Variants in EP300 observed in about 807,000 individuals in gnomAD.
EP300 encodes the protein EP300 lysine acetyltransferase, also known as histone acetyltransferase p300.
In EP300, 31 loss-of-function variants were observed where a neutral mutation model predicts 264.0. That is an observed-to-expected ratio of 0.12 (90% CI 0.09 to 0.16). The LOEUF is 0.16. Among genes scored for constraint, EP300 ranks in the 10% least tolerant of loss-of-function variants. The pLI, the probability that EP300 is intolerant of heterozygous loss-of-function variation, is 1.00. For synonymous variants in EP300, 1,340 were observed against 1,045.4 expected (o/e 1.28, Z -5.44); for missense variants, 2,766 against 3,052.9 (o/e 0.91, Z 2.21).
intron 22 of EP300, among the ~76,000 whole-genome samples, chr22:41,166,020 A>G (rs776438209): frequency 1.9e-4 from 28 of 150,370 alleles, no homozygotes; most frequent in Middle Eastern, 3.4e-3. Context: ...CCTGACCTCA[A>G]AAGATCCACC....
At chr22:41,173,558 C>A in intron 28 of EP300, 65 bp from the exon 29 acceptor site, 18 of 1,527,924 alleles carry the variant, frequency 1.2e-5, no homozygotes, top group Non-Finnish European at 1.6e-5. Flanking sequence ...GGGAGATATT[C>A]TGTGCTATTC....
intron 1 of EP300, among the ~76,000 whole-genome samples, chr22:41,108,250 T>C (rs113855705): frequency 6.7e-4 from 90 of 133,574 alleles, no homozygotes; most frequent in African/African-American, 1.0e-3. Flanking sequence ...TTTTCTTTTT[T>C]TTTTTTTTTT....
chr22:41,177,600 C>T lies in EP300; in HGVS notation c.5889C>T (p.Ala1963=), dbSNP rs886057566. Residue 1963 remains alanine (A), a synonymous_variant, in exon 31 of 31, where the codon GCC becomes GCT. Coordinates refer to ENST00000263253, the MANE Select transcript of EP300 (RefSeq NM_001429.4). ...AGATGCCCCCGATGACTCCCATGGC[C>T]CCCATGGGTATGAACCCACCTCCCA... is the stretch of plus-strand genomic sequence containing the variant. The part of the protein sequence containing the change: ...QHQMPPMTPM[A]PMGMNPPPMT... The T allele has an allele frequency of 1.7e-5, 28 of 1,614,006 alleles. No homozygotes were observed. The highest frequency in any genetic ancestry group is 2.3e-5 in the Non-Finnish European group (27 of 1,180,022).
chr22:41,165,506 C>G (rs1416608200), intron 22 of EP300, among the ~76,000 whole-genome samples: 2 of 152,096 alleles, frequency 1.3e-5, no homozygotes, highest in Non-Finnish European at 2.9e-5. Context: ...TCACTGCAAC[C>G]TCTGCCTCCC....
chr22:41,107,843 GGCATGTGCCACCACACCCA>G (rs1205470785), intron 1 of EP300, among the ~76,000 whole-genome samples: 1 of 152,066 alleles, frequency 6.6e-6, no homozygotes, highest in Non-Finnish European at 1.5e-5. Context: ...TGGGATTACA[GGCATGTGCCACCACACCCA>G]GCTAATTTTG....
chr22:41,152,017 G>A lies in EP300; in HGVS notation c.2997+5G>A, dbSNP rs1459253172. The A allele has an allele frequency of 6.2e-6, 10 of 1,614,040 alleles. No homozygotes were observed. Among genetic ancestry groups the A allele is most frequent in the Non-Finnish European group, 7.6e-6 (9 of 1,180,036 alleles). On this transcript the variant is annotated splice_donor_5th_base_variant and intron_variant, in intron 15 of 30. Transcript: ENST00000263253. The stretch of plus-strand genomic sequence containing the variant: ...CAGCCGGAGGATATTTCAGAGGTGA[G>A]AGTAGGGCAATTACTGTTTGATTTG...
Position 41,137,790 on chromosome 22 carries a change from TGTAA to T in EP300, c.1760+6_1760+9del, listed in dbSNP as rs2145722830. ...CTTCGAAATCATCTTGTTCACAAAC[TGTAA>T]GTAAGATTGTGGACACGTCTCATTC... On this transcript the variant is annotated splice_donor_variant and splice_donor_region_variant and intron_variant, in intron 8 of 30. Transcript: ENST00000263253. LOFTEE classifies it high-confidence loss of function. 6.2e-7 allele frequency: 1 copy of T among 1,614,204 alleles called. No homozygotes were observed. The highest frequency in any genetic ancestry group is 8.5e-7 in the Non-Finnish European group (1 of 1,180,040).
Position 41,177,931 on chromosome 22 carries a change from C to T in EP300, c.6220C>T (p.Leu2074Phe), listed in dbSNP as rs772898987. 3.1e-6 allele frequency: 5 copies of T among 1,614,174 alleles called. No homozygotes were observed. Among genetic ancestry groups the T allele is most frequent in the Non-Finnish European group, 4.2e-6 (5 of 1,180,016 alleles). Residue 2074 changes from leucine (L) to phenylalanine (F), a missense_variant, in exon 31 of 31, where the codon CTT (leucine) becomes TTT (phenylalanine). Leu to Phe is a conservative substitution (Grantham distance 22). Transcript: ENST00000263253. ...PLQQQQVLSI[L>F]HANPQLLAAF... is the part of the protein sequence containing the mutation. The stretch of plus-strand genomic sequence containing the variant: ...GCAGCAGCAACAGGTGCTTAGTATC[C>T]TTCACGCCAACCCCCAGCTGTTGGC...
In EP300 at chr22:41,127,695, T is replaced by C; in HGVS notation, c.1115T>C (p.Met372Thr). The stretch of plus-strand genomic sequence containing the variant: ...TGCAACCTTCCCCACTGTCGCACAA[T>C]GAAGAATGTCCTAAACCACATGACA... ...RQCNLPHCRT[M>T]KNVLNHMTHC... The change falls in exon 4 of 31, where the codon ATG becomes ACG. Residue 372 changes from methionine (M) to threonine (T), a missense_variant. Transcript: ENST00000263253. 1 of 1,614,210 alleles carries C rather than the reference T, an allele frequency of 6.2e-7. No individual in the cohort carries two copies. Among genetic ancestry groups the C allele is most frequent in the East Asian group, 2.2e-5 (1 of 44,876 alleles).
At chr22:41,139,093 A>G (rs1361779908) in intron 8 of EP300, among the ~76,000 whole-genome samples, 1 of 152,098 alleles carries the variant, frequency 6.6e-6, no homozygotes, top group African/African-American at 2.4e-5. Context: ...AGCTGGGGTT[A>G]CAGGTGTTTG....
intron 23 of EP300, 36 bp from the exon 24 acceptor site, chr22:41,168,413 T>C (rs530802664): frequency 1.2e-6 from 2 of 1,613,194 alleles, no homozygotes; most frequent in Non-Finnish European, 1.7e-6. Flanking sequence ...AACAGTAAAT[T>C]TGCACCTCAG....
chr22:41,165,692 G>T (rs1452980265), intron 22 of EP300, among the ~76,000 whole-genome samples: 1 of 152,040 alleles, frequency 6.6e-6, no homozygotes, highest in Non-Finnish European at 1.5e-5. Context: ...CGAAGTGCTG[G>T]GATTACAGCA....
intron 13 of EP300, among the ~76,000 whole-genome samples, chr22:41,149,497 A>C (rs566169774): frequency 6.6e-6 from 1 of 152,098 alleles, no homozygotes; most frequent in African/African-American, 2.4e-5. Context: ...GCCCTAGAGC[A>C]CTCTGCACTC....
At chr22:41,176,183 G>A (rs2145511665) in intron 29 of EP300, 64 bp from the exon 30 acceptor site, 3 of 1,594,122 alleles carry the variant, frequency 1.9e-6, no homozygotes, top group Admixed American at 3.3e-5. Flanking sequence ...TCACGCCACT[G>A]CATTCCAGCC....
Position 41,160,722 on chromosome 22 carries a change from C to G in EP300, c.3671C>G (p.Thr1224Ser), listed in dbSNP as rs2145752607. The G allele has an allele frequency of 1.2e-6, 2 of 1,613,498 alleles. No individual in the cohort carries two copies. Among genetic ancestry groups the G allele is most frequent in the Non-Finnish European group, 1.7e-6 (2 of 1,179,468 alleles). The change falls in exon 20 of 31, where the codon ACT (threonine) becomes AGT (serine). Residue 1224 changes from threonine (T) to serine (S), a missense_variant and splice_region_variant. Physicochemically the swap from Thr to Ser is moderately conservative, Grantham distance 58. Transcript: ENST00000263253. ...GGGGATGACCCTTCCCAGCCTCAAA[C>G]GTAAGTAACTGCATTATTTTGAAAA... Reference protein sequence around the residue: ...SLGDDPSQPQTTINKEQFSKR... With the variant: ...SLGDDPSQPQSTINKEQFSKR...
rs563249540 is a variant in EP300, at chr22:41,178,650, C to G, written c.6939C>G (p.Val2313=). The part of the protein sequence containing the change: ...LSNQVRSPQP[V]PSPRPQSQPP... ...ATCAAGTGCGCTCTCCCCAGCCTGTCCCTTCTCCACGGCCACAGTCCCAGC... is the reference window on the plus strand; with the variant it reads ...ATCAAGTGCGCTCTCCCCAGCCTGTGCCTTCTCCACGGCCACAGTCCCAGC... The change falls in exon 31 of 31, where the codon GTC becomes GTG. Residue 2313 remains valine, a synonymous_variant. Transcript: ENST00000263253. 2 of 1,614,138 alleles carry G rather than the reference C, an allele frequency of 1.2e-6. No homozygotes were observed. The highest frequency in any genetic ancestry group is 2.7e-5 in the African/African-American group (2 of 75,024).
In EP300 at chr22:41,178,680, C is replaced by T. The variant is rs111489369; in HGVS notation, c.6969C>T (p.Pro2323=). Residue 2323 remains proline (P), a synonymous_variant, in exon 31 of 31, where the codon CCC becomes CCT. Transcript: ENST00000263253. ...CTCCACGGCCACAGTCCCAGCCCCC[C>T]CACTCCAGTCCTTCCCCAAGGATGC... is the stretch of plus-strand genomic sequence containing the variant. ...VPSPRPQSQP[P]HSSPSPRMQP... is the part of the protein sequence containing the mutation. The T allele has an allele frequency of 6.2e-7, 1 of 1,614,186 alleles. No individual in the cohort carries two copies. The highest frequency in any genetic ancestry group is 1.7e-5 in the Admixed American group (1 of 60,016).
intron 1 of EP300, among the ~76,000 whole-genome samples, chr22:41,113,157 A>ACACCC (rs768546402): frequency 1.1e-5 from 1 of 92,918 alleles, no homozygotes; most frequent in Admixed American, 1.5e-4. Context: ...TCAGGATTCC[A>ACACCC]CCCCCCCCCC....
At chr22:41,148,048 A>G (rs2059022577) in intron 12 of EP300, 102 bp downstream of exon 12, 3 of 848,842 alleles carry the variant, frequency 3.5e-6, no homozygotes, top group Non-Finnish European at 5.5e-6. Context: ...TAAACAGACC[A>G]TAACTCCTAG....
Sources: gnomAD v4.1 joint callset for allele counts (sites outside exome capture counted in the v4.1 genomes callset) on GRCh38, gnomAD v4.1.1 for gene constraint, MANE v1.5 for transcripts, NCBI Gene and HGNC (gene_info 2026-07-23, HGNC 2026-07-21) for gene names.